SFSWAP: variants seen among roughly 807,000 people sequenced by gnomAD.
The protein encoded by SFSWAP is splicing factor, suppressor of white-apricot homolog.
SFSWAP carries 17 observed loss-of-function variants against 100.7 expected under a neutral mutation model. The observed-to-expected ratio is 0.17, with a 90% confidence interval of 0.12 to 0.25. The LOEUF is 0.25. Ranked by LOEUF, SFSWAP falls within the 10% of genes least tolerant of loss-of-function variation. The probability of loss-of-function intolerance (pLI) is 1.00; values close to 1 mark genes in which losing one functional copy is unlikely to be tolerated. For missense variants in SFSWAP, 1,005 were observed against 1,262.6 expected, an observed-to-expected ratio of 0.80 and a Z score of 3.09; for synonymous variants, 504 against 510.1, an observed-to-expected ratio of 0.99 and a Z score of 0.16.
intron 4 of SFSWAP, 60 bp downstream of exon 4, chr12:131,719,599 C>A: frequency 7.6e-7 from 1 of 1,321,652 alleles, no homozygotes. Context: ...TTCACTCCTG[C>A]TTGTGGGAAA....
At chr12:131,763,069 T>TG (rs1364969902) in intron 11 of SFSWAP, among the ~76,000 whole-genome samples, 2 of 152,224 alleles carry the variant, frequency 1.3e-5, no homozygotes, top group African/African-American at 2.4e-5. Context: ...TCTTTGTGTG[T>TG]GCCCTGTCCC....
chr12:131,787,712 G>T (rs1237173774), intron 15 of SFSWAP, among the ~76,000 whole-genome samples: 2 of 152,094 alleles, frequency 1.3e-5, no homozygotes, highest in African/African-American at 4.8e-5. Flanking sequence ...CCTGCTCCTG[G>T]GACGGATGGT....
intron 15 of SFSWAP, among the ~76,000 whole-genome samples, chr12:131,792,341 ATG>A (rs34465904): frequency 4.5e-5 from 6 of 132,192 alleles, no homozygotes; most frequent in Non-Finnish European, 6.3e-5. Context: ...GTGTGTGCAT[ATG>A]TGTGTGTTCA....
rs1448960066 is a variant in SFSWAP, at chr12:131,733,994, G to T, written c.1081+5566G>T. Among the ~76,000 whole-genome samples, 1 of 152,246 alleles carries T rather than the reference G, an allele frequency of 6.6e-6. No individual in the cohort carries two copies. Among genetic ancestry groups the T allele is most frequent in the Non-Finnish European group, 1.5e-5 (1 of 68,040 alleles). Reference sequence around the variant, plus strand: ...GGGTGACACATGGGAGCAGGTCAGTGCCCTGTGTGTGGCTTGCCACCATCA... The same window carrying T: ...GGGTGACACATGGGAGCAGGTCAGTTCCCTGTGTGTGGCTTGCCACCATCA... On this transcript the variant is annotated intron_variant, in intron 7 of 17. Coordinates refer to ENST00000261674, the MANE Select transcript of SFSWAP (RefSeq NM_004592.4). This position sits in a 1 kb window ranked among gnomAD's most constrained non-coding sequence, Gnocchi z 5.1.
rs199681357 is a variant in SFSWAP at position 131,797,165 on chromosome 12, T to G, written c.2535-13T>G. ...CCAAAGCTGCATCTCTCACAGAAAC[T>G]CTTGCCTTTCAGAAGTCCCCACGAG... On this transcript the variant is annotated splice_polypyrimidine_tract_variant and intron_variant, in intron 15 of 17. Transcript: ENST00000261674. 2.5e-6 allele frequency: 4 copies of G among 1,602,988 alleles called. No individual in the cohort carries two copies. In the Admixed American group the frequency reaches 6.7e-5, roughly 27 times the overall value.
intron 13 of SFSWAP, among the ~76,000 whole-genome samples, chr12:131,776,115 T>A (rs1033957869): frequency 2.0e-5 from 3 of 152,102 alleles, no homozygotes; most frequent in East Asian, 3.9e-4. Context: ...CAAACAAAAA[T>A]AATAAAATAT....
chr12:131,798,102 A>G (rs1392528305), intron 16 of SFSWAP, among the ~76,000 whole-genome samples: 1 of 152,162 alleles, frequency 6.6e-6, no homozygotes, highest in Non-Finnish European at 1.5e-5. Flanking sequence ...GCACTTTGGG[A>G]GGCCAGGGCA....
intron 7 of SFSWAP, 148 bp downstream of exon 7, chr12:131,728,576 A>G (rs1356849201): frequency 2.5e-6 from 2 of 815,240 alleles, no homozygotes; most frequent in African/African-American, 3.4e-5. Context: ...CCCAAGGGAG[A>G]GTGCCACGAG....
rs545626080 is a variant in SFSWAP at position 131,749,447 on chromosome 12, G to A, written c.1082-3676G>A. ...AGCCCAGCTTGTAGATTTTATTTCT[G>A]TTGTCACCCTGTACTAGTCCAGAAA... On this transcript the variant is annotated intron_variant, in intron 7 of 17. Coordinates refer to ENST00000261674, the MANE Select transcript of SFSWAP (RefSeq NM_004592.4). Among the ~76,000 whole-genome samples the A allele has an allele frequency of 9.2e-5, 14 of 152,308 alleles. No homozygotes were observed. In the East Asian group the frequency reaches 2.1e-3, roughly 23 times the overall value.
chr12:131,792,569 T>C (rs1372827113), intron 15 of SFSWAP, among the ~76,000 whole-genome samples: 1 of 151,952 alleles, frequency 6.6e-6, no homozygotes, highest in Non-Finnish European at 1.5e-5. Flanking sequence ...CACAGATCAG[T>C]ACTGGTGTGC....
chr12:131,775,795 A>C (rs541473634), intron 13 of SFSWAP, among the ~76,000 whole-genome samples: 1 of 152,274 alleles, frequency 6.6e-6, no homozygotes, highest in African/African-American at 2.4e-5. Context: ...TTATGTAAGC[A>C]ATAAAATATT....
chr12:131,798,944 G>T, intron 16 of SFSWAP, 93 bp from the exon 17 acceptor site: 1 of 865,686 alleles, frequency 1.2e-6, no homozygotes, highest in Non-Finnish European at 2.0e-6. Flanking sequence ...CTCAGTTCTA[G>T]AGTTGGGGTT....
At position 131,754,420 on chromosome 12, in the gene SFSWAP, G is replaced by A. The variant is rs199880976; in HGVS notation, c.1375G>A (p.Val459Met). The A allele has an allele frequency of 2.6e-5, 42 of 1,596,364 alleles. No homozygotes were observed. The highest frequency in any genetic ancestry group is 4.5e-5 in the South Asian group (4 of 89,238). ...IIPPPPDVQP[V>M]IDKLAEYVAR... Reference sequence around the variant, plus strand: ...CCCCCCGCCCCCCGACGTCCAGCCCGTGATTGACAAGCTGGCCGAGTATGT... The same window carrying A: ...CCCCCCGCCCCCCGACGTCCAGCCCATGATTGACAAGCTGGCCGAGTATGT... The change falls in exon 9 of 18, where the codon GTG becomes ATG. Residue 459 changes from valine (V) to methionine (M), a missense_variant. Val to Met is a conservative substitution (Grantham distance 21). This residue lies in a region of SFSWAP where 311 missense variants were observed against 317.8 expected (regional missense o/e 0.98). Coordinates refer to ENST00000261674, the MANE Select transcript of SFSWAP (RefSeq NM_004592.4).
intron 14 of SFSWAP, among the ~76,000 whole-genome samples, chr12:131,782,772 G>A (rs1405022774): frequency 6.6e-6 from 1 of 152,148 alleles, no homozygotes; most frequent in Admixed American, 6.5e-5. Context: ...AGTTATGGGC[G>A]ACTCTGGATC....
In SFSWAP at chr12:131,711,103, C is replaced by G; in HGVS notation, c.-127C>G. 1.3e-6 allele frequency: 1 copy of G among 745,424 alleles called. No individual in the cohort carries two copies. Among genetic ancestry groups the G allele is most frequent in the Admixed American group, 3.0e-5 (1 of 33,602 alleles). 46.2% of individuals were successfully genotyped at this position (745,424 alleles called of 1,614,324 possible). A position where few individuals can be genotyped will look rare whatever the true frequency, so the allele number is the denominator to read the frequency against. ...TGCCCCTCCACCATTTTGTGGCCCG[C>G]TATGGCGGCGGTGTTGAGGTTGGGT... On this transcript the variant is annotated 5_prime_UTR_variant, in exon 1 of 18. Coordinates refer to ENST00000261674, the MANE Select transcript of SFSWAP (RefSeq NM_004592.4). The surrounding 1 kb of genome is among the most constrained non-coding windows in gnomAD (Gnocchi z 4.9).
intron 11 of SFSWAP, among the ~76,000 whole-genome samples, chr12:131,759,347 G>C (rs545129649): frequency 6.6e-6 from 1 of 152,276 alleles, no homozygotes; most frequent in Non-Finnish European, 1.5e-5. Context: ...TAAAGGTCAA[G>C]TTAATTCACC....
chr12:131,765,238 T>C (rs1157423041), intron 12 of SFSWAP, among the ~76,000 whole-genome samples: 1 of 152,268 alleles, frequency 6.6e-6, no homozygotes, highest in Non-Finnish European at 1.5e-5. Context: ...TAAATTCTGC[T>C]CTGCATTAAA....
rs773711388 is a variant in SFSWAP at position 131,755,482 on chromosome 12, A to G, written c.1548+3A>G. 79 of 1,606,156 alleles carry G rather than the reference A, an allele frequency of 4.9e-5. No homozygotes were observed. Among genetic ancestry groups the G allele is most frequent in the Non-Finnish European group, 6.4e-5 (75 of 1,173,038 alleles). On this transcript the variant is annotated splice_donor_region_variant and intron_variant, in intron 10 of 17. Transcript: ENST00000261674. ...AAGAAGGGGGCGATAGCATGCAGGT[A>G]CGTGTCTGAATGCAGGGAGGCTGTG...
chr12:131,751,208 A>C (rs1167058260), intron 7 of SFSWAP, among the ~76,000 whole-genome samples: 1 of 152,276 alleles, frequency 6.6e-6, no homozygotes, highest in Non-Finnish European at 1.5e-5. Flanking sequence ...CACTTTACAC[A>C]GTTACATAAA....
Sources: gnomAD v4.1 joint callset for allele counts (sites outside exome capture counted in the v4.1 genomes callset) on GRCh38, gnomAD v4.1.1 for gene constraint, gnomAD v4.1.1 regional missense constraint, Gnocchi (gnomAD v3.1) non-coding constraint, MANE v1.5 for transcripts, NCBI Gene and HGNC (gene_info 2026-07-23, HGNC 2026-07-21) for gene names.